Variants in LIMD1 observed in about 807,000 individuals in gnomAD.
The protein encoded by LIMD1 is LIM domain containing 1, also known as LIM domain-containing protein 1.
A neutral mutation model predicts 58.4 loss-of-function variants in LIMD1; 23 were observed. The ratio of observed to expected loss-of-function variants is 0.39; its 90% CI spans 0.28 to 0.56. LIMD1 has a LOEUF of 0.56. Ranked by LOEUF, LIMD1 falls within the 20% of genes least tolerant of loss-of-function variation. LIMD1 has a pLI of 0.57. For missense variants in LIMD1, 838 were observed against 855.5 expected (o/e 0.98, Z 0.25); for synonymous variants, 334 against 345.5 (o/e 0.97, Z 0.37).
At chr3:45,650,418 T>C (rs933498217) in intron 2 of LIMD1, among the ~76,000 whole-genome samples, 3 of 152,198 alleles carry the variant, frequency 2.0e-5, no homozygotes, top group African/African-American at 4.8e-5. Flanking sequence ...ACATGTGCCA[T>C]GTTGGCTTAC....
chr3:45,673,573 C>T (rs758095893), intron 6 of LIMD1, 68 bp downstream of exon 6: 91 of 1,248,184 alleles, frequency 7.3e-5, no homozygotes, highest in Non-Finnish European at 1.0e-4. Flanking sequence ...GGCTCATTTA[C>T]AAGATCCATG....
chr3:45,667,648 TTAAG>T (rs1697536829), intron 3 of LIMD1, among the ~76,000 whole-genome samples: 1 of 151,686 alleles, frequency 6.6e-6, no homozygotes, highest in Admixed American at 6.6e-5. Flanking sequence ...TAGATATTTA[TTAAG>T]TTTCTTTGAA....
At chr3:45,639,427 G>T (rs945088860) in intron 2 of LIMD1, among the ~76,000 whole-genome samples, 3 of 152,128 alleles carry the variant, frequency 2.0e-5, no homozygotes, top group African/African-American at 7.2e-5. Flanking sequence ...ACACTGGTTG[G>T]CTTATAAACA....
chr3:45,636,790 C>CTAGCAGCACCA (rs1701793235), intron 2 of LIMD1, among the ~76,000 whole-genome samples: 1 of 152,156 alleles, frequency 6.6e-6, no homozygotes, highest in Non-Finnish European at 1.5e-5. Flanking sequence ...TAGCACACAC[C>CTAGCAGCACCA]TGTGGGCATC....
rs1375759848 is a variant in LIMD1, at chr3:45,628,016, A to AAAAAAAG, written c.1409-8131_1409-8130insAAAGAAA. 8.5e-4 allele frequency among the ~76,000 whole-genome samples: 86 copies of AAAAAAAG among 101,670 alleles called. 3 individuals carry two copies. Among genetic ancestry groups the AAAAAAAG allele is most frequent in the African/African-American group, 2.5e-3 (81 of 32,650 alleles). 66.7% of individuals were successfully genotyped at this position (101,670 alleles called of 152,430 possible). A position where few individuals can be genotyped will look rare whatever the true frequency, so the allele number is the denominator to read the frequency against. On this transcript the variant is annotated intron_variant, in intron 1 of 7. Coordinates refer to ENST00000273317, the MANE Select transcript of LIMD1 (RefSeq NM_014240.3). ...GAGTGAGACCCCATCTCAAAAAAAA[A>AAAAAAAG]AAAGAAAAAAGAATATATGAACCAA...
intron 1 of LIMD1, among the ~76,000 whole-genome samples, chr3:45,620,743 AAG>A (rs1177857228): frequency 1.3e-5 from 2 of 152,242 alleles, no homozygotes; most frequent in Admixed American, 1.3e-4. Context: ...AACAAACAAA[AAG>A]AATCATCAAT....
chr3:45,637,857 G>A (rs115100469), intron 2 of LIMD1, among the ~76,000 whole-genome samples: 1 of 152,204 alleles, frequency 6.6e-6, no homozygotes, highest in African/African-American at 2.4e-5. Context: ...ACACATGCCT[G>A]AGAGTTTATG....
chr3:45,655,767 A>T, intron 2 of LIMD1, among the ~76,000 whole-genome samples: 1 of 152,184 alleles, frequency 6.6e-6, no homozygotes, highest in Admixed American at 6.5e-5. Flanking sequence ...TGTCCTTATT[A>T]GCTCTGCCAA....
At chr3:45,662,042 G>A (rs1262909718) in intron 2 of LIMD1, among the ~76,000 whole-genome samples, 1 of 152,214 alleles carries the variant, frequency 6.6e-6, no homozygotes, top group Non-Finnish European at 1.5e-5. Context: ...ACAGGTGTGA[G>A]CCACTGTGCC....
In LIMD1 at chr3:45,595,889, T is replaced by G; in HGVS notation, c.1010T>G (p.Phe337Cys). Residue 337 changes from phenylalanine (F) to cysteine (C), a missense_variant, in exon 1 of 8, where the codon TTC becomes TGC. Physicochemically the swap from Phe to Cys is radical, Grantham distance 205 (BLOSUM62 -2). Around this residue, in one of 3 missense-constraint regions of LIMD1, gnomAD observed 659 missense variants for 639.8 expected, o/e 1.03. Transcript: ENST00000273317. Reference protein sequence around the residue: ...SKPNVDPQPWFQDGPKSYLSS... With the variant: ...SKPNVDPQPWCQDGPKSYLSS... Reference sequence around the variant, plus strand: ...CCCAATGTGGACCCCCAACCCTGGTTCCAGGATGGGCCCAAATCTTACCTT... The same window carrying G: ...CCCAATGTGGACCCCCAACCCTGGTGCCAGGATGGGCCCAAATCTTACCTT... The G allele has an allele frequency of 1.2e-6, 2 of 1,614,212 alleles. No homozygotes were observed. The highest frequency in any genetic ancestry group is 3.3e-4 in the Middle Eastern group (2 of 6,062).
rs765119556 is a variant in LIMD1 at position 45,595,896 on chromosome 3, T to C, written c.1017T>C (p.Asp339=). The C allele has an allele frequency of 1.4e-5, 23 of 1,614,098 alleles. No homozygotes were observed. The highest frequency in any genetic ancestry group is 1.6e-4 in the Middle Eastern group (1 of 6,084). ...PNVDPQPWFQ[D]GPKSYLSSSA... is the part of the protein sequence containing the mutation. ...TGGACCCCCAACCCTGGTTCCAGGATGGGCCCAAATCTTACCTTTCCAGTT... is the reference window on the plus strand; with the variant it reads ...TGGACCCCCAACCCTGGTTCCAGGACGGGCCCAAATCTTACCTTTCCAGTT... The change falls in exon 1 of 8, where the codon GAT becomes GAC. Residue 339 remains aspartate (D), a synonymous_variant. Transcript: ENST00000273317.
chr3:45,596,928 C>A (rs1372573791), intron 1 of LIMD1, among the ~76,000 whole-genome samples: 3 of 148,320 alleles, frequency 2.0e-5, no homozygotes, highest in Admixed American at 1.4e-4. Context: ...GTGGCACAAT[C>A]TCGGCTCACT....
At position 45,682,273 on chromosome 3, in the gene LIMD1, G is replaced by T. The variant is rs1461657164; in HGVS notation, c.*5214G>T. On this transcript the variant is annotated 3_prime_UTR_variant, in exon 8 of 8. Transcript: ENST00000273317. The stretch of plus-strand genomic sequence containing the variant: ...GTATAAGGAGTGAAGATGCAATCAG[G>T]GTAAAAGGCGGTCTGGAGTTGTGGT... The T allele has an allele frequency of 6.6e-6, 1 of 152,264 alleles. No individual in the cohort carries two copies. The highest frequency in any genetic ancestry group is 2.4e-5 in the African/African-American group (1 of 41,464). The allele number at this position is 152,264 out of a possible 1,614,324, so 9.4% of individuals were successfully genotyped here. A position where few individuals can be genotyped will look rare whatever the true frequency, so the allele number is the denominator to read the frequency against.
At chr3:45,625,294 A>G (rs1395273866) in intron 1 of LIMD1, among the ~76,000 whole-genome samples, 2 of 152,116 alleles carry the variant, frequency 1.3e-5, no homozygotes, top group African/African-American at 4.8e-5. Context: ...CCTGATTTTT[A>G]TATATAGCTC....
At chr3:45,657,548 AAAAG>A (rs917123148) in intron 2 of LIMD1, among the ~76,000 whole-genome samples, 16 of 151,754 alleles carry the variant, frequency 1.1e-4, no homozygotes, top group Non-Finnish European at 2.1e-4. Context: ...AAAAAAAGGA[AAAAG>A]AAAGAAAGGC....
At chr3:45,672,071 AAAC>A (rs1166218011) in intron 4 of LIMD1, among the ~76,000 whole-genome samples, 2 of 152,190 alleles carry the variant, frequency 1.3e-5, no homozygotes, top group Non-Finnish European at 2.9e-5. Flanking sequence ...TTGCGTTTAA[AAAC>A]AACAACAGAG....
chr3:45,628,007 C>CAAAAAAAAA (rs56711723), intron 1 of LIMD1, among the ~76,000 whole-genome samples: 5 of 111,604 alleles, frequency 4.5e-5, no homozygotes, highest in African/African-American at 1.7e-4. Flanking sequence ...GACCCCATCT[C>CAAAAAAAAA]AAAAAAAAAA....
intron 2 of LIMD1, among the ~76,000 whole-genome samples, chr3:45,643,154 G>A (rs1429229130): frequency 6.6e-6 from 1 of 152,194 alleles, no homozygotes; most frequent in Non-Finnish European, 1.5e-5. Context: ...AAAACACGCT[G>A]ACTTGTGGGG....
At chr3:45,637,924 G>T (rs1701805093) in intron 2 of LIMD1, among the ~76,000 whole-genome samples, 1 of 152,078 alleles carries the variant, frequency 6.6e-6, no homozygotes, top group East Asian at 1.9e-4. Flanking sequence ...AATGTCCGCA[G>T]TGGAAATCTA....
Sources: gnomAD v4.1 joint callset for allele counts (sites outside exome capture counted in the v4.1 genomes callset) on GRCh38, gnomAD v4.1.1 for gene constraint, gnomAD v4.1.1 regional missense constraint, MANE v1.5 for transcripts, NCBI Gene and HGNC (gene_info 2026-07-23, HGNC 2026-07-21) for gene names.